DNPEP: variants seen among roughly 807,000 people sequenced by gnomAD.
The protein encoded by DNPEP is aspartyl aminopeptidase.
A neutral mutation model predicts 59.1 loss-of-function variants in DNPEP; 46 were observed. The observed-to-expected ratio is 0.78, with a 90% CI of 0.61 to 0.99. The LOEUF (loss-of-function observed/expected upper bound fraction) is 0.99. Ranked by LOEUF, DNPEP falls within the 50% of genes least tolerant of loss-of-function variation. DNPEP has a pLI of 0.00. For missense variants in DNPEP, 617 were observed against 649.9 expected (o/e 0.95, Z 0.55); for synonymous variants, 229 against 242.2 (o/e 0.95, Z 0.50).
chr2:219,397,589 C>T (rs1051243414), intron 1 of DNPEP, among the ~76,000 whole-genome samples: 35 of 152,102 alleles, frequency 2.3e-4, no homozygotes, highest in African/African-American at 7.2e-4. Context: ...TAGGCCCACA[C>T]GGACACTGTG....
chr2:219,375,242 C>T (rs1953324146), intron 13 of DNPEP, among the ~76,000 whole-genome samples: 1 of 152,184 alleles, frequency 6.6e-6, no homozygotes, highest in African/African-American at 2.4e-5. Context: ...AATCCATTCT[C>T]CACACAGCAG....
At chr2:219,386,491 G>T in intron 4 of DNPEP, 80 bp from the exon 5 acceptor site, 1 of 1,578,024 alleles carries the variant, frequency 6.3e-7, no homozygotes. Context: ...ATAAGTAACA[G>T]ACAGCGAATA....
At chr2:219,381,905 G>A in intron 11 of DNPEP, 74 bp downstream of exon 11, 5 of 1,563,032 alleles carry the variant, frequency 3.2e-6, no homozygotes, top group Non-Finnish European at 2.6e-6. Flanking sequence ...CTGGGGCCAA[G>A]GCAGAGCCTC....
In DNPEP at chr2:219,381,319, C is replaced by A; in HGVS notation, c.1239+16G>T. ...GCTCCCTCCATCACACCTTCCCAGG[C>A]AGGGCCCACCCTCACCTGCAGGGGG... On this transcript the variant is annotated intron_variant, in intron 13 of 14. Transcript: ENST00000273075. The A allele has an allele frequency of 6.2e-7, 1 of 1,610,970 alleles. No individual in the cohort carries two copies. Among genetic ancestry groups the A allele is most frequent in the Non-Finnish European group, 8.5e-7 (1 of 1,177,896 alleles).
chr2:219,387,288 GCCC>G, intron 1 of DNPEP, 125 bp from the exon 2 acceptor site: 2 of 1,431,346 alleles, frequency 1.4e-6, no homozygotes, highest in Non-Finnish European at 1.8e-6. Context: ...CTCTGCTTCC[GCCC>G]GTCCCCACCG....
intron 1 of DNPEP, chr2:219,399,726 A>C: frequency 1.5e-6 from 1 of 679,872 alleles, no homozygotes. Flanking sequence ...CTGGTTTGTT[A>C]GCAGACTGAG....
chr2:219,393,260 G>A (rs1015499678), upstream of DNPEP, among the ~76,000 whole-genome samples: 3 of 152,128 alleles, frequency 2.0e-5, no homozygotes, highest in Non-Finnish European at 4.4e-5. Context: ...TCCATAGGTG[G>A]TGGGTTGGAC....
chr2:219,374,983 T>C lies in DNPEP; in HGVS notation c.1279A>G (p.Ile427Val), dbSNP rs1166498411. 1.2e-6 allele frequency: 2 copies of C among 1,613,922 alleles called. No homozygotes were observed. The highest frequency in any genetic ancestry group is 1.7e-6 in the Non-Finnish European group (2 of 1,180,008). The part of the protein sequence containing the change: ...VRNDTPCGTT[I>V]GPILASRLGL... The stretch of plus-strand genomic sequence containing the variant: ...AGCCGAGAAGCCAAGATAGGTCCAA[T>C]GGTGGTTCCACAGGGGGTGTCATTC... Residue 427 changes from isoleucine (I) to valine (V), a missense_variant, in exon 14 of 15, where the codon ATT (isoleucine) becomes GTT (valine). Ile to Val is a conservative substitution (Grantham distance 29). Coordinates refer to ENST00000273075, the MANE Select transcript of DNPEP (RefSeq NM_012100.4).
chr2:219,381,510 C>T, intron 12 of DNPEP, 35 bp downstream of exon 12: 1 of 1,613,906 alleles, frequency 6.2e-7, no homozygotes, highest in Non-Finnish European at 8.5e-7. Context: ...AACAGCCAGA[C>T]CTCCAAGTCC....
In DNPEP at chr2:219,386,096, G is replaced by T. The variant is rs1487939430; in HGVS notation, c.462C>A (p.Cys154Ter). ...GCTGCTCCAGCCGACCTGAGGTAGG[G>T]CACTGCAGCCAGCCAGGCCAGGTCA... The part of the protein sequence containing the change: ...LTLAGRVIVK[C>*]PTSGRLEQQL... Residue 154 changes from cysteine (C) to a stop codon, truncating the protein, a stop_gained and splice_region_variant, in exon 6 of 15, where the codon TGC becomes TGA. Transcript: ENST00000273075. LOFTEE classifies it high-confidence loss of function. 6.2e-7 allele frequency: 1 copy of T among 1,614,042 alleles called. No homozygotes were observed. Among genetic ancestry groups the T allele is most frequent in the Non-Finnish European group, 8.5e-7 (1 of 1,179,978 alleles).
chr2:219,382,831 C>T (rs1953655527), intron 10 of DNPEP, among the ~76,000 whole-genome samples: 1 of 152,212 alleles, frequency 6.6e-6, no homozygotes. Flanking sequence ...CACACGCAGG[C>T]ATCATGAGGA....
intron 6 of DNPEP, 51 bp from the exon 7 acceptor site, chr2:219,385,757 T>C: frequency 6.6e-7 from 1 of 1,512,026 alleles, no homozygotes; most frequent in Non-Finnish European, 9.0e-7. Flanking sequence ...CACAGCTGAG[T>C]GCGGCATCCA....
In DNPEP at chr2:219,387,790, C is replaced by G; in HGVS notation, c.5G>C (p.Ser2Thr). 6.3e-7 allele frequency: 1 copy of G among 1,595,518 alleles called. No homozygotes were observed. The highest frequency in any genetic ancestry group is 1.1e-5 in the South Asian group (1 of 90,196). The change falls in exon 1 of 15, where the codon AGC becomes ACC. Residue 2 changes from serine (S) to threonine (T), a missense_variant. By Grantham distance (58) the Ser-to-Thr change is moderately conservative. Transcript: ENST00000273075. ...GGCCCCGCGCGTGGGGCTGTGTCCG[C>G]TCATCTGGCCTCCGGGCTCGGCCCG... is the stretch of plus-strand genomic sequence containing the variant. M[S>T]GHSPTRGAMQ...
intron 13 of DNPEP, among the ~76,000 whole-genome samples, chr2:219,377,108 T>C (rs984364415): frequency 4.0e-5 from 6 of 151,654 alleles, no homozygotes; most frequent in Non-Finnish European, 8.8e-5. Flanking sequence ...ACCCTGTCTC[T>C]ACTAAAAATA....
rs1446830746 is a variant in DNPEP, at chr2:219,387,075, A to C, written c.125T>G (p.Phe42Cys). Residue 42 changes from phenylalanine (F) to cysteine (C), a missense_variant, in exon 2 of 15, where the codon TTC becomes TGC. Transcript: ENST00000273075. ...TTGCCCTGGCCACCGCTTACCATGG[A>C]AAGGAGAGGGACTCCGGTTCACGAA... is the stretch of plus-strand genomic sequence containing the variant. Reference protein sequence around the residue: ...LKFVNRSPSPFHAVAECRNRL... With the variant: ...LKFVNRSPSPCHAVAECRNRL... 3 of 1,604,276 alleles carry C rather than the reference A, an allele frequency of 1.9e-6. No homozygotes were observed. In the African/African-American group the frequency reaches 4.0e-5, roughly 21 times the overall value.
chr2:219,389,294 G>T (rs1310627082), upstream of DNPEP, among the ~76,000 whole-genome samples: 4 of 152,238 alleles, frequency 2.6e-5, no homozygotes, highest in Non-Finnish European at 2.9e-5. Context: ...GACTCTTGGT[G>T]GCCTCTAGAT....
chr2:219,383,471 TTCTCTTTTTTTCTTTC>T (rs1431660662), intron 9 of DNPEP, among the ~76,000 whole-genome samples: 8 of 148,816 alleles, frequency 5.4e-5, no homozygotes, highest in African/African-American at 2.0e-4. Flanking sequence ...GACCTTTTTT[TTCTCTTTTTTTCTTTC>T]TTTCTTTTTT....
At chr2:219,378,036 T>TA (rs1347304910) in intron 13 of DNPEP, among the ~76,000 whole-genome samples, 1 of 151,770 alleles carries the variant, frequency 6.6e-6, no homozygotes, top group Non-Finnish European at 1.5e-5. Flanking sequence ...TAAAAAAGTG[T>TA]ATATGAAGTT....
At chr2:219,382,487 T>C (rs1364281658) in intron 10 of DNPEP, among the ~76,000 whole-genome samples, 1 of 152,174 alleles carries the variant, frequency 6.6e-6, no homozygotes, top group Non-Finnish European at 1.5e-5. Flanking sequence ...AACACCCAAG[T>C]TGTAGCTAAG....
Sources: gnomAD v4.1 joint callset for allele counts (sites outside exome capture counted in the v4.1 genomes callset) on GRCh38, gnomAD v4.1.1 for gene constraint, MANE v1.5 for transcripts, NCBI Gene and HGNC (gene_info 2026-07-23, HGNC 2026-07-21) for gene names.